The following DUSP11 variants were observed in gnomAD, a reference collection of about 807,000 sequenced individuals.
DUSP11 encodes the protein dual specificity phosphatase 11, also known as RNA/RNP complex-1-interacting phosphatase.
Under a neutral mutation model 41.4 loss-of-function variants are expected in DUSP11, and 27 were observed. That is an observed-to-expected ratio of 0.65 (90% CI 0.48 to 0.90). The LOEUF (loss-of-function observed/expected upper bound fraction) is 0.90, where lower values mean the gene tolerates loss of function less well. DUSP11 is among the 40% of genes least tolerant of loss of function. DUSP11 has a pLI of 0.00. For synonymous variants in DUSP11, 188 were observed against 159.3 expected (o/e 1.18, Z -1.35); for missense variants, 465 against 461.1 (o/e 1.01, Z -0.08).
exon 8 of DUSP11, chr2:73,766,505 C>T (rs746328412): frequency 2.9e-5 from 46 of 1,613,884 alleles, no homozygotes; most frequent in Non-Finnish European, 2.8e-5. Context: ...ATACCTAGGT[C>T]CTTGTTTAAC....
At chr2:73,770,867 C>T (rs904664052) in intron 4 of DUSP11, among the ~76,000 whole-genome samples, 5 of 152,200 alleles carry the variant, frequency 3.3e-5, no homozygotes, top group Non-Finnish European at 5.9e-5. Flanking sequence ...CTTACCCTCA[C>T]TCACTCCACT....
chr2:73,766,579 A>G (rs1319628496), exon 8 of DUSP11: 7 of 1,607,572 alleles, frequency 4.4e-6, no homozygotes, highest in Middle Eastern at 1.7e-4. Flanking sequence ...ACCTGGGTAC[A>G]CTGGAATTCC....
chr2:73,776,413 C>CAAAAAAAAAA (rs70965758), intron 2 of DUSP11, among the ~76,000 whole-genome samples: 1 of 99,434 alleles, frequency 1.0e-5, no homozygotes, highest in Non-Finnish European at 1.9e-5. Flanking sequence ...GACACCATCT[C>CAAAAAAAAAA]AAAAAAAAAA....
At chr2:73,778,477 T>A (rs1302545062) in intron 1 of DUSP11, 101 bp from the exon 2 acceptor site, 3 of 633,076 alleles carry the variant, frequency 4.7e-6, no homozygotes, top group African/African-American at 1.9e-5. Flanking sequence ...GCACAACATG[T>A]CCTCTCTCCT....
chr2:73,762,670 C>T lies in DUSP11; in HGVS notation c.1125G>A (p.Trp375Ter). Residue 375 changes from tryptophan to a stop codon, truncating the protein, a stop_gained, in exon 9 of 9, where the codon TGG becomes TGA. Coordinates refer to ENST00000272444, the Ensembl canonical transcript of DUSP11. LOFTEE classifies it high-confidence loss of function. ...CCAGGACAGGTTTGTATCACTGGGT[C>T]CATTCCCAACAGGCTGGATAGGAGA... 1 of 1,611,358 alleles carries T rather than the reference C, an allele frequency of 6.2e-7. No individual in the cohort carries two copies. The highest frequency in any genetic ancestry group is 1.1e-5 in the South Asian group (1 of 90,678).
At chr2:73,769,969 T>C (rs867557127) in intron 4 of DUSP11, among the ~76,000 whole-genome samples, 1 of 152,078 alleles carries the variant, frequency 6.6e-6, no homozygotes, top group African/African-American at 2.4e-5. Context: ...AAAAATTACA[T>C]GAGGAATTAA....
chr2:73,771,152 T>C (rs980104230), intron 4 of DUSP11, among the ~76,000 whole-genome samples: 3 of 152,218 alleles, frequency 2.0e-5, no homozygotes, highest in East Asian at 1.9e-4. Flanking sequence ...CTTATTTCTC[T>C]CCCCGACTAG....
chr2:73,778,922 T>C lies in DUSP11; in HGVS notation c.243-546A>G, dbSNP rs368858012. On this transcript the variant is annotated intron_variant, in intron 1 of 8. Coordinates refer to ENST00000272444, the Ensembl canonical transcript of DUSP11. ...CGGCAATTTGGGAGGCTGAGGCAGG[T>C]GGATCACCTGAGGTCAGGAGTTCGA... Among the ~76,000 whole-genome samples, 24 of 151,904 alleles carry C rather than the reference T, an allele frequency of 1.6e-4. 1 individual carries two copies. The highest frequency in any genetic ancestry group is 1.2e-3 in the Admixed American group (18 of 15,228).
intron 5 of DUSP11, 88 bp from the exon 6 acceptor site, chr2:73,767,295 C>T (rs1672483680): frequency 2.1e-6 from 2 of 945,936 alleles, no homozygotes; most frequent in Admixed American, 4.2e-5. Flanking sequence ...AACTTATAGA[C>T]ATAGATATAA....
intron 2 of DUSP11, among the ~76,000 whole-genome samples, chr2:73,775,652 G>A (rs553360213): frequency 2.0e-5 from 3 of 150,070 alleles, no homozygotes; most frequent in Admixed American, 6.7e-5. Context: ...TCAGGAGATC[G>A]AGACCATCCT....
chr2:73,774,817 CA>C, intron 3 of DUSP11, 95 bp downstream of exon 3: 1 of 1,107,392 alleles, frequency 9.0e-7, no homozygotes, highest in Non-Finnish European at 1.2e-6. Context: ...CAAAGAAGGC[CA>C]AGCTTCACAT....
intron 1 of DUSP11, among the ~76,000 whole-genome samples, chr2:73,779,236 C>T (rs1486709569): frequency 6.6e-6 from 1 of 152,116 alleles, no homozygotes; most frequent in Non-Finnish European, 1.5e-5. Flanking sequence ...TCAGGCAAGA[C>T]CTGTATTAGG....
intron 5 of DUSP11, chr2:73,767,436 A>G (rs1389079935): frequency 5.2e-6 from 2 of 383,400 alleles, no homozygotes; most frequent in Non-Finnish European, 9.1e-6. Flanking sequence ...ATATTTATTT[A>G]CATTAATGTA....
chr2:73,765,821 T>C (rs569458063), intron 8 of DUSP11, among the ~76,000 whole-genome samples: 2 of 152,346 alleles, frequency 1.3e-5, no homozygotes, highest in East Asian at 3.9e-4. Flanking sequence ...TACATTAATG[T>C]AGCCTAAGAA....
chr2:73,768,312 G>T, intron 5 of DUSP11: 1 of 264,796 alleles, frequency 3.8e-6, no homozygotes, highest in Non-Finnish European at 5.8e-6. Flanking sequence ...ATAGGCATTT[G>T]TGTGATTCTT....
intron 8 of DUSP11, among the ~76,000 whole-genome samples, chr2:73,764,399 G>C (rs1672418442): frequency 1.3e-5 from 2 of 151,972 alleles, no homozygotes; most frequent in African/African-American, 4.8e-5. Flanking sequence ...CTAAGTGCTG[G>C]GATTACAGGT....
intron 1 of DUSP11, chr2:73,779,574 T>C (rs1046178728): frequency 4.9e-5 from 20 of 410,326 alleles, no homozygotes; most frequent in African/African-American, 3.6e-4. Flanking sequence ...AGGTTCCATT[T>C]TGGGAATTAA....
intron 5 of DUSP11, chr2:73,768,434 G>T: frequency 1.0e-6 from 1 of 984,068 alleles, no homozygotes; most frequent in Non-Finnish European, 1.2e-6. Flanking sequence ...GATATTTTCT[G>T]AATGAACAAA....
At chr2:73,776,919 C>T (rs1037769863) in intron 2 of DUSP11, among the ~76,000 whole-genome samples, 3 of 152,186 alleles carry the variant, frequency 2.0e-5, no homozygotes, top group Non-Finnish European at 4.4e-5. Context: ...CAATATATAA[C>T]ATGTATCCAC....
Sources: allele counts gnomAD v4.1 joint callset (sites outside exome capture counted in the v4.1 genomes callset), GRCh38; gene constraint gnomAD v4.1.1; transcripts MANE v1.5; gene names NCBI Gene and HGNC (gene_info 2026-07-23, HGNC 2026-07-21).